Variants in ABHD17B observed in about 807,000 individuals in gnomAD.
The protein encoded by ABHD17B is abhydrolase domain containing 17B, depalmitoylase, also known as alpha/beta hydrolase domain-containing protein 17B.
ABHD17B carries 9 observed loss-of-function variants against 26.2 expected under a neutral mutation model. The ratio of observed to expected loss-of-function variants is 0.34; its 90% CI spans 0.21 to 0.60. The LOEUF (loss-of-function observed/expected upper bound fraction) is 0.60. Ranked by LOEUF, ABHD17B falls within the 20% of genes least tolerant of loss-of-function variation. ABHD17B has a pLI of 0.80. For missense variants in ABHD17B, 224 were observed against 352.1 expected (o/e 0.64, Z 2.91); for synonymous variants, 127 against 122.3 (o/e 1.04, Z -0.25).
At chr9:71,874,521 T>C (rs1435733198) in intron 2 of ABHD17B, 93 bp downstream of exon 2, 21 of 961,194 alleles carry the variant, frequency 2.2e-5, no homozygotes, top group Middle Eastern at 2.4e-4. Flanking sequence ...ATAGCAGTTA[T>C]GTATAATAAA....
At position 71,877,944 on chromosome 9, in the gene ABHD17B, A is replaced by C. The variant is rs191426003; in HGVS notation, c.-3-2861T>G. Reference sequence around the variant, plus strand: ...AAAGCCAGATAACTGGGGCTTATTTAATGACAACAACTTGCAAATGATCAC... The same window carrying C: ...AAAGCCAGATAACTGGGGCTTATTTCATGACAACAACTTGCAAATGATCAC... On this transcript the variant is annotated intron_variant, in intron 1 of 3. Coordinates refer to ENST00000333421, the MANE Select transcript of ABHD17B (RefSeq NM_001025780.3). Among the ~76,000 whole-genome samples the C allele has an allele frequency of 1.4e-3, 217 of 152,308 alleles. 2 individuals are homozygous for C. Among genetic ancestry groups the C allele is most frequent in the Middle Eastern group, 6.8e-3 (2 of 294 alleles).
chr9:71,898,546 G>T (rs930424681), intron 1 of ABHD17B, among the ~76,000 whole-genome samples: 11 of 152,014 alleles, frequency 7.2e-5, no homozygotes, highest in African/African-American at 2.7e-4. Context: ...GGCTGAGGCA[G>T]GAGAATCGCT....
intron 1 of ABHD17B, among the ~76,000 whole-genome samples, chr9:71,901,381 A>T (rs1290421514): frequency 6.6e-6 from 1 of 152,200 alleles, no homozygotes; most frequent in Non-Finnish European, 1.5e-5. Flanking sequence ...ATTTCGAAGT[A>T]TAACAGGTGT....
chr9:71,870,891 G>A (rs1826092621), intron 2 of ABHD17B, among the ~76,000 whole-genome samples: 1 of 152,178 alleles, frequency 6.6e-6, no homozygotes, highest in Non-Finnish European at 1.5e-5. Flanking sequence ...AATTATTTAT[G>A]ATTAGACTTT....
intron 1 of ABHD17B, among the ~76,000 whole-genome samples, chr9:71,901,136 A>T (rs1827125493): frequency 6.6e-6 from 1 of 152,142 alleles, no homozygotes; most frequent in South Asian, 2.1e-4. Context: ...TGGAAGACAG[A>T]GCGAGACTCT....
At chr9:71,900,594 G>GGTC (rs1161739637) in intron 1 of ABHD17B, among the ~76,000 whole-genome samples, 4 of 144,446 alleles carry the variant, frequency 2.8e-5, no homozygotes, top group Non-Finnish European at 6.0e-5. Flanking sequence ...TGAGGTTGCA[G>GGTC]TGAGCCAAGA....
chr9:71,868,407 A>G (rs1826018803), intron 3 of ABHD17B, among the ~76,000 whole-genome samples: 1 of 152,226 alleles, frequency 6.6e-6, no homozygotes, highest in Non-Finnish European at 1.5e-5. Context: ...AACACTTCAA[A>G]TAACAGAGGA....
At chr9:71,873,657 A>G (rs1826175980) in intron 2 of ABHD17B, among the ~76,000 whole-genome samples, 1 of 152,064 alleles carries the variant, frequency 6.6e-6, no homozygotes, top group African/African-American at 2.4e-5. Flanking sequence ...TAGCCTCCCA[A>G]AGTGCTGTGA....
intron 1 of ABHD17B, among the ~76,000 whole-genome samples, chr9:71,893,189 G>A (rs1826845229): frequency 2.0e-5 from 3 of 152,162 alleles, no homozygotes. Flanking sequence ...CCAGATGTAT[G>A]AGAGATTTCC....
At chr9:71,867,064 T>C in intron 3 of ABHD17B, 58 bp from the exon 4 acceptor site, 1 of 1,555,894 alleles carries the variant, frequency 6.4e-7, no homozygotes, top group East Asian at 2.3e-5. Flanking sequence ...AAGGAACATA[T>C]TCTTGTGCTA....
chr9:71,900,614 T>A (rs954088756), intron 1 of ABHD17B, among the ~76,000 whole-genome samples: 1 of 139,436 alleles, frequency 7.2e-6, no homozygotes, highest in Non-Finnish European at 1.5e-5. Flanking sequence ...ATCATGCCAC[T>A]GCACTCTGGT....
At chr9:71,864,213 CTTTTTTTT>C (rs762446648), downstream of ABHD17B, among the ~76,000 whole-genome samples, 10 of 80,398 alleles carry the variant, frequency 1.2e-4, no homozygotes, top group South Asian at 2.6e-3. Context: ...GCCAAACTTT[CTTTTTTTT>C]TTTTTTTTTT....
chr9:71,902,632 T>C (rs1476440811), intron 1 of ABHD17B: 2 of 152,194 alleles, frequency 1.3e-5, no homozygotes, highest in South Asian at 2.1e-4. Flanking sequence ...GTTTCAGATG[T>C]AGGCTTGCCA....
chr9:71,878,782 C>A (rs1049092377), intron 1 of ABHD17B, among the ~76,000 whole-genome samples: 2 of 151,968 alleles, frequency 1.3e-5, no homozygotes, highest in East Asian at 3.9e-4. Context: ...AGAGAGAGAT[C>A]TGCAGGCCCA....
At chr9:71,876,259 C>A (rs118174266) in intron 1 of ABHD17B, among the ~76,000 whole-genome samples, 47 of 152,240 alleles carry the variant, frequency 3.1e-4, no homozygotes, top group African/African-American at 9.9e-4. Context: ...TACCACTTAC[C>A]GTTTGCCAGC....
At chr9:71,862,688 G>GA (rs1201278677), downstream of ABHD17B, 2 of 586,638 alleles carry the variant, frequency 3.4e-6, no homozygotes, top group East Asian at 3.0e-5. Flanking sequence ...AACTGTTTAT[G>GA]AAAAATCACT....
At position 71,889,177 on chromosome 9, in the gene ABHD17B, C is replaced by T. The variant is rs996663008; in HGVS notation, c.-3-14094G>A. Reference sequence around the variant, plus strand: ...CAAAAATACAAAAAAATTAGCCAGGCGTGGTGGCAGGCGCCTGTAATCATA... The same window carrying T: ...CAAAAATACAAAAAAATTAGCCAGGTGTGGTGGCAGGCGCCTGTAATCATA... On this transcript the variant is annotated intron_variant, in intron 1 of 3. Coordinates refer to ENST00000333421, the MANE Select transcript of ABHD17B (RefSeq NM_001025780.3). Among the ~76,000 whole-genome samples the T allele has an allele frequency of 3.5e-4, 53 of 151,644 alleles. 2 individuals are homozygous for T. Among genetic ancestry groups the T allele is most frequent in the African/African-American group, 4.8e-5 (2 of 41,250 alleles).
intron 1 of ABHD17B, among the ~76,000 whole-genome samples, chr9:71,882,672 C>A (rs1166870360): frequency 1.3e-5 from 2 of 149,678 alleles, no homozygotes; most frequent in Non-Finnish European, 3.0e-5. Flanking sequence ...AAAAAAAAAC[C>A]AAGAAAACAA....
At chr9:71,887,603 G>A (rs893933517) in intron 1 of ABHD17B, among the ~76,000 whole-genome samples, 1 of 152,180 alleles carries the variant, frequency 6.6e-6, no homozygotes, top group Admixed American at 6.5e-5. Context: ...ACACAGCATA[G>A]TATGAATATT....
Sources: gnomAD v4.1 joint callset for allele counts (sites outside exome capture counted in the v4.1 genomes callset) on GRCh38, gnomAD v4.1.1 for gene constraint, MANE v1.5 for transcripts, NCBI Gene and HGNC (gene_info 2026-07-23, HGNC 2026-07-21) for gene names.